PDE8B: variants seen among roughly 807,000 people sequenced by gnomAD.
The protein encoded by PDE8B is phosphodiesterase 8B.
PDE8B carries 26 observed loss-of-function variants against 101.3 expected under a neutral mutation model. The observed-to-expected ratio is 0.26, with a 90% CI of 0.19 to 0.36. PDE8B has a LOEUF of 0.36. Among genes scored for constraint, PDE8B ranks in the 10% least tolerant of loss-of-function variants. The probability of loss-of-function intolerance (pLI) is 1.00; values close to 1 mark genes in which losing one functional copy is unlikely to be tolerated. For missense variants in PDE8B, 810 were observed against 1,163.1 expected (o/e 0.70, Z 4.42); for synonymous variants, 424 against 429.3 (o/e 0.99, Z 0.15).
At chr5:77,226,908 T>C (rs990428027) in intron 1 of PDE8B, among the ~76,000 whole-genome samples, 34 of 152,190 alleles carry the variant, frequency 2.2e-4, no homozygotes, top group Non-Finnish European at 5.0e-4. Context: ...TCTCCTCCCT[T>C]ATGATGGCAG....
At chr5:77,388,607 A>T (rs1392392963) in intron 10 of PDE8B, among the ~76,000 whole-genome samples, 2 of 152,180 alleles carry the variant, frequency 1.3e-5, no homozygotes, top group Admixed American at 6.5e-5. Flanking sequence ...CTGTGCTGGG[A>T]GATCCGCTGC....
intron 2 of PDE8B, among the ~76,000 whole-genome samples, chr5:77,317,483 G>C (rs1295509606): frequency 2.6e-5 from 4 of 152,166 alleles, no homozygotes; most frequent in South Asian, 2.1e-4. Flanking sequence ...ACCCCACACA[G>C]AGCTGGCAGG....
At chr5:77,387,045 G>A (rs1327299341) in intron 10 of PDE8B, among the ~76,000 whole-genome samples, 22 of 150,122 alleles carry the variant, frequency 1.5e-4, no homozygotes, top group Non-Finnish European at 1.9e-4. Context: ...CACCGCGCCC[G>A]GCTAATTTTT....
At chr5:77,220,388 T>C (rs1032805277) in intron 1 of PDE8B, among the ~76,000 whole-genome samples, 1 of 152,162 alleles carries the variant, frequency 6.6e-6, no homozygotes, top group Admixed American at 6.5e-5. Flanking sequence ...TTGTTGAGAT[T>C]TTCAAGAAGG....
At chr5:77,418,580 T>C in intron 18 of PDE8B, 134 bp downstream of exon 18, 1 of 728,112 alleles carries the variant, frequency 1.4e-6, no homozygotes. Flanking sequence ...ACCTTGCCCT[T>C]AACTTAATTT....
intron 1 of PDE8B, among the ~76,000 whole-genome samples, chr5:77,279,882 A>G (rs1453776147): frequency 6.6e-6 from 1 of 152,190 alleles, no homozygotes; most frequent in Non-Finnish European, 1.5e-5. Context: ...GAGGCGAGGG[A>G]GGCAGAGCAT....
At chr5:77,358,052 C>T (rs2150523294) in intron 10 of PDE8B, among the ~76,000 whole-genome samples, 1 of 152,294 alleles carries the variant, frequency 6.6e-6, no homozygotes, top group Non-Finnish European at 1.5e-5. Flanking sequence ...TCTCTCATCC[C>T]TTACCTTTCT....
chr5:77,345,019 TC>T, intron 7 of PDE8B, 88 bp downstream of exon 7: 1 of 838,814 alleles, frequency 1.2e-6, no homozygotes, highest in East Asian at 2.4e-5. Context: ...TTTCCCATCA[TC>T]CTCATGTATC....
chr5:77,125,806 A>G, the PDE8B span, among the ~76,000 whole-genome samples: 236 of 152,312 alleles, frequency 1.5e-3, no homozygotes, highest in African/African-American at 5.5e-3. Context: ...CTGGGGGAAT[A>G]GTAGATTGGG....
At chr5:77,237,854 C>T (rs776036436) in intron 1 of PDE8B, among the ~76,000 whole-genome samples, 2 of 152,066 alleles carry the variant, frequency 1.3e-5, no homozygotes, top group Non-Finnish European at 2.9e-5. Context: ...TGAATATTTT[C>T]ATAAAATATA....
chr5:77,266,471 G>A (rs910679799), intron 1 of PDE8B, among the ~76,000 whole-genome samples: 1 of 152,188 alleles, frequency 6.6e-6, no homozygotes, highest in Admixed American at 6.5e-5. Context: ...GCTGTGATGT[G>A]CCTTTTGAAG....
chr5:77,329,136 G>A (rs1776632689), intron 4 of PDE8B, 79 bp downstream of exon 4: 1 of 1,141,820 alleles, frequency 8.8e-7, no homozygotes, highest in Non-Finnish European at 1.3e-6. Context: ...TGGTTTTTGA[G>A]CTATCTAAGC....
rs924773807 is a variant in PDE8B, at chr5:77,358,077, C to T, written c.1167+4671C>T. On this transcript the variant is annotated intron_variant, in intron 10 of 21. Coordinates refer to ENST00000264917, the MANE Select transcript of PDE8B (RefSeq NM_003719.5). ...CTTACCTTTCTAGGGGTGGTGTGGC[C>T]GATGGGCCTTCTCATGATTTGGGGC... Among the ~76,000 whole-genome samples, 13 of 152,262 alleles carry T rather than the reference C, an allele frequency of 8.5e-5. No individual in the cohort carries two copies. The East Asian group carries it at 1.5e-3, about 18-fold the overall frequency.
intron 1 of PDE8B, among the ~76,000 whole-genome samples, chr5:77,308,939 G>T (rs568416595): frequency 6.6e-6 from 1 of 152,184 alleles, no homozygotes; most frequent in Non-Finnish European, 1.5e-5. Context: ...AGCACTTTAG[G>T]AGGCCGAGGC....
chr5:77,234,386 C>T (rs1754248555), intron 1 of PDE8B, among the ~76,000 whole-genome samples: 2 of 152,164 alleles, frequency 1.3e-5, no homozygotes, highest in South Asian at 4.1e-4. Context: ...CCTCACCCAA[C>T]TCCACATGGG....
intron 1 of PDE8B, among the ~76,000 whole-genome samples, chr5:77,249,992 A>G (rs1203170722): frequency 6.6e-6 from 1 of 152,258 alleles, no homozygotes; most frequent in East Asian, 1.9e-4. Flanking sequence ...CGTCCCTGTT[A>G]TACAATCACT....
At chr5:77,203,890 G>C in the PDE8B span, among the ~76,000 whole-genome samples, 3 of 152,120 alleles carry the variant, frequency 2.0e-5, no homozygotes, top group African/African-American at 7.2e-5. Flanking sequence ...TGTGCATGCA[G>C]GCAGGAGAGG....
intron 1 of PDE8B, among the ~76,000 whole-genome samples, chr5:77,263,950 G>A (rs1312735819): frequency 6.6e-6 from 1 of 152,062 alleles, no homozygotes; most frequent in Admixed American, 6.6e-5. Flanking sequence ...CTCATTAGCA[G>A]CCCCAGCCCC....
the PDE8B span, among the ~76,000 whole-genome samples, chr5:77,149,601 A>T: frequency 6.6e-6 from 1 of 152,132 alleles, no homozygotes; most frequent in African/African-American, 2.4e-5. Flanking sequence ...ATTTCTGTTT[A>T]TTCTTTTTGA....
Sources: gnomAD v4.1 joint callset for allele counts (sites outside exome capture counted in the v4.1 genomes callset) on GRCh38, gnomAD v4.1.1 for gene constraint, MANE v1.5 for transcripts, NCBI Gene and HGNC (gene_info 2026-07-23, HGNC 2026-07-21) for gene names.